Variants in LRRIQ1 observed in about 807,000 individuals in gnomAD.
LRRIQ1 encodes the protein leucine-rich repeat- and IQ domain-containing protein 1.
In LRRIQ1, 210 loss-of-function variants were observed where a neutral mutation model predicts 211.9. That is an observed-to-expected ratio of 0.99 (90% confidence interval 0.89 to 1.11). The LOEUF (loss-of-function observed/expected upper bound fraction) is 1.11. Ranked by LOEUF, LRRIQ1 falls within the 50% of genes most tolerant of loss-of-function variation. The probability of loss-of-function intolerance (pLI) is 0.00; values close to 1 mark genes in which losing one functional copy is unlikely to be tolerated. For missense variants in LRRIQ1, 2,136 were observed against 1,939.5 expected, an observed-to-expected ratio of 1.10 and a Z score of -1.90; for synonymous variants, 699 against 650.1, an observed-to-expected ratio of 1.08 and a Z score of -1.14.
chr12:85,197,835 A>T (rs1231595572), intron 24 of LRRIQ1, among the ~76,000 whole-genome samples: 1 of 140,266 alleles, frequency 7.1e-6, no homozygotes, highest in African/African-American at 2.6e-5. Flanking sequence ...AAAAAAATAA[A>T]AAATATTATA....
At chr12:85,072,096 CATACTT>C (rs1883148387) in intron 10 of LRRIQ1, among the ~76,000 whole-genome samples, 1 of 151,948 alleles carries the variant, frequency 6.6e-6, no homozygotes, top group Admixed American at 6.6e-5. Context: ...ATCGTATTGA[CATACTT>C]AAATCTATAG....
At position 85,044,795 on chromosome 12, in the gene LRRIQ1, G is replaced by T; in HGVS notation, c.322G>T (p.Glu108Ter). Residue 108 changes from glutamate to a stop codon, truncating the protein, a stop_gained, in exon 4 of 27, where the codon GAG becomes TAG. Coordinates refer to ENST00000393217, the MANE Select transcript of LRRIQ1 (RefSeq NM_001079910.2). LOFTEE classifies it high-confidence loss of function. Reference sequence around the variant, plus strand: ...ATCAACTGAATATGAAGAAAGTTCAGAGCAATTAATTAAGGTATATATTCA... The same window carrying T: ...ATCAACTGAATATGAAGAAAGTTCATAGCAATTAATTAAGGTATATATTCA... ...GLSTEYEESS[E>*]QLIKILSEIE... is the part of the protein sequence containing the mutation. 1 of 1,482,784 alleles carries T rather than the reference G, an allele frequency of 6.7e-7. No individual in the cohort carries two copies. 91.9% of individuals were successfully genotyped at this position (1,482,784 alleles called of 1,614,324 possible).
At chr12:85,140,205 T>C (rs1889430021) in intron 19 of LRRIQ1, among the ~76,000 whole-genome samples, 1 of 151,326 alleles carries the variant, frequency 6.6e-6, no homozygotes, top group Admixed American at 6.6e-5. Context: ...CTCACTTCAG[T>C]TTTCCACAAC....
chr12:85,228,004 C>T (rs1203322961), intron 24 of LRRIQ1, among the ~76,000 whole-genome samples: 2 of 152,226 alleles, frequency 1.3e-5, no homozygotes, highest in East Asian at 3.9e-4. Context: ...TTCCTTACAC[C>T]TTATACAAAA....
intron 24 of LRRIQ1, among the ~76,000 whole-genome samples, chr12:85,168,799 A>G (rs1565881468): frequency 6.6e-6 from 1 of 152,314 alleles, no homozygotes; most frequent in East Asian, 1.9e-4. Flanking sequence ...CCACCATTCT[A>G]TCAATGCAGC....
At chr12:85,216,220 G>C (rs1339743314) in intron 24 of LRRIQ1, among the ~76,000 whole-genome samples, 1 of 152,078 alleles carries the variant, frequency 6.6e-6, no homozygotes, top group Non-Finnish European at 1.5e-5. Context: ...CCATCGCTGT[G>C]TCCATGTGTT....
intron 11 of LRRIQ1, among the ~76,000 whole-genome samples, chr12:85,079,047 A>G (rs867696348): frequency 1.3e-5 from 2 of 152,194 alleles, no homozygotes; most frequent in Middle Eastern, 3.4e-3. Flanking sequence ...TCAATTTGCT[A>G]TAATATCACA....
Position 85,124,053 on chromosome 12 carries a change from A to T in LRRIQ1, c.3558-17A>T. On this transcript the variant is annotated splice_polypyrimidine_tract_variant and intron_variant, in intron 16 of 26. Transcript: ENST00000393217. Reference sequence around the variant, plus strand: ...GGTACTATTCTTATTAAATGTTCTCATCATTTATTTGTTCAGAGATGTATT... The same window carrying T: ...GGTACTATTCTTATTAAATGTTCTCTTCATTTATTTGTTCAGAGATGTATT... 1 of 1,565,614 alleles carries T rather than the reference A, an allele frequency of 6.4e-7. No individual in the cohort carries two copies. The highest frequency in any genetic ancestry group is 8.8e-7 in the Non-Finnish European group (1 of 1,141,962).
intron 17 of LRRIQ1, among the ~76,000 whole-genome samples, chr12:85,125,198 A>T (rs1454804822): frequency 6.6e-6 from 1 of 152,080 alleles, no homozygotes; most frequent in East Asian, 1.9e-4. Flanking sequence ...TAAATAAACA[A>T]AATAAAAATA....
intron 24 of LRRIQ1, among the ~76,000 whole-genome samples, chr12:85,190,061 C>T (rs1286490869): frequency 7.1e-6 from 1 of 139,882 alleles, no homozygotes; most frequent in African/African-American, 2.6e-5. Context: ...AGTTATATAA[C>T]CCCTATACAT....
chr12:85,224,166 A>G (rs1005696240), intron 24 of LRRIQ1, among the ~76,000 whole-genome samples: 1 of 151,632 alleles, frequency 6.6e-6, no homozygotes, highest in Non-Finnish European at 1.5e-5. Context: ...ATCACTGGTC[A>G]TTAAAGAAAT....
intron 16 of LRRIQ1, among the ~76,000 whole-genome samples, chr12:85,123,559 A>T (rs944194627): frequency 9.2e-5 from 14 of 152,138 alleles, no homozygotes; most frequent in African/African-American, 3.1e-4. Flanking sequence ...TTAGCCATTA[A>T]TGTCTTAAAG....
intron 8 of LRRIQ1, among the ~76,000 whole-genome samples, chr12:85,062,539 A>G (rs969479214): frequency 2.0e-5 from 3 of 147,998 alleles, no homozygotes; most frequent in Non-Finnish European, 4.5e-5. Context: ...TTCATTTTTT[A>G]TGGCTATATG....
At chr12:85,223,428 G>C (rs1894496011) in intron 24 of LRRIQ1, among the ~76,000 whole-genome samples, 1 of 152,146 alleles carries the variant, frequency 6.6e-6, no homozygotes, top group Admixed American at 6.6e-5. Context: ...CCAGCAGTGA[G>C]GTCAGTGAAA....
At chr12:85,194,502 A>C (rs1265453816) in intron 24 of LRRIQ1, among the ~76,000 whole-genome samples, 1 of 150,222 alleles carries the variant, frequency 6.7e-6, no homozygotes, top group South Asian at 2.1e-4. Flanking sequence ...TCAAACTAGA[A>C]CTCAGGATTA....
intron 11 of LRRIQ1, among the ~76,000 whole-genome samples, chr12:85,097,504 C>T (rs1034702850): frequency 6.0e-5 from 9 of 151,120 alleles, no homozygotes; most frequent in South Asian, 2.1e-4. Flanking sequence ...TGAGAACATG[C>T]GGTGTTTGGT....
At chr12:85,234,197 A>C (rs978686749) in intron 26 of LRRIQ1, among the ~76,000 whole-genome samples, 1 of 152,134 alleles carries the variant, frequency 6.6e-6, no homozygotes, top group African/African-American at 2.4e-5. Flanking sequence ...AGATTGCACA[A>C]CTGTACTCCA....
At chr12:85,130,084 C>T (rs991507290) in intron 18 of LRRIQ1, among the ~76,000 whole-genome samples, 8 of 152,158 alleles carry the variant, frequency 5.3e-5, no homozygotes, top group Admixed American at 6.5e-5. Flanking sequence ...AAAGAAATTA[C>T]CCTTCCTCTC....
chr12:85,112,527 G>A (rs1248740150), intron 15 of LRRIQ1, among the ~76,000 whole-genome samples: 8 of 100,100 alleles, frequency 8.0e-5, no homozygotes, highest in African/African-American at 3.7e-4. Context: ...GACAAAGCAA[G>A]AAGAATTTTA....
Sources: gnomAD v4.1 joint callset for allele counts (sites outside exome capture counted in the v4.1 genomes callset) on GRCh38, gnomAD v4.1.1 for gene constraint, MANE v1.5 for transcripts, NCBI Gene and HGNC (gene_info 2026-07-23, HGNC 2026-07-21) for gene names.